The following UQCC1 variants were observed in gnomAD, a reference collection of about 807,000 sequenced individuals.
UQCC1 encodes ubiquinol-cytochrome c reductase complex assembly factor 1, also known as bFGF-repressed Zic-binding protein.
A neutral mutation model predicts 48.0 loss-of-function variants in UQCC1; 38 were observed. That is an observed-to-expected ratio of 0.79 (90% CI 0.61 to 1.04). UQCC1 has a LOEUF of 1.04. Among genes scored for constraint, UQCC1 ranks in the 50% least tolerant of loss-of-function variants. The pLI is 0.00. For missense variants in UQCC1, 368 were observed against 381.8 expected, an observed-to-expected ratio of 0.96 and a Z score of 0.30; for synonymous variants, 111 against 129.2, an observed-to-expected ratio of 0.86 and a Z score of 0.95.
At chr20:35,374,680 TCAGAGGCAC>T (rs1420483103) in intron 4 of UQCC1, among the ~76,000 whole-genome samples, 3 of 151,798 alleles carry the variant, frequency 2.0e-5, no homozygotes, top group African/African-American at 7.3e-5. Flanking sequence ...TAATCTTTCC[TCAGAGGCAC>T]TACTATCTAT....
intron 3 of UQCC1, among the ~76,000 whole-genome samples, chr20:35,382,805 C>T (rs562971667): frequency 1.1e-4 from 16 of 152,198 alleles, no homozygotes; most frequent in African/African-American, 3.4e-4. Flanking sequence ...CCACCGCGCC[C>T]GGCCTAATTT....
At chr20:35,406,818 T>C (rs974015450) in intron 1 of UQCC1, among the ~76,000 whole-genome samples, 53 of 152,346 alleles carry the variant, frequency 3.5e-4, no homozygotes, top group African/African-American at 1.3e-3. Flanking sequence ...AGATGTAATT[T>C]AGATGACAAT....
At chr20:35,386,527 G>A in intron 2 of UQCC1, 1 of 354,336 alleles carries the variant, frequency 2.8e-6, no homozygotes. Flanking sequence ...TAAGTATCAA[G>A]CAGGCTTTGT....
intron 2 of UQCC1, among the ~76,000 whole-genome samples, chr20:35,388,369 C>T (rs139230087): frequency 7.0e-6 from 1 of 141,922 alleles, no homozygotes; most frequent in Non-Finnish European, 1.5e-5. Flanking sequence ...TGGGTCACTG[C>T]AACTTTGACC....
Position 35,306,693 on chromosome 20 carries a change from T to A in UQCC1, c.738A>T (p.Glu246Asp), listed in dbSNP as rs565180229. 1 of 1,613,844 alleles carries A rather than the reference T, an allele frequency of 6.2e-7. No homozygotes were observed. The highest frequency in any genetic ancestry group is 8.5e-7 in the Non-Finnish European group (1 of 1,179,976). Residue 246 changes from glutamate (E) to aspartate (D), a missense_variant, in exon 9 of 10, where the codon GAA becomes GAT. Transcript: ENST00000374385. Reference protein sequence around the residue: ...NRKCEDPRHLELLVEYVRKQI... With the variant: ...NRKCEDPRHLDLLVEYVRKQI... ...GTTTCCTCACATACTCTACCAGCAATTCAAGATGTCGAGGGTCTTCACATT... is the reference window on the plus strand; with the variant it reads ...GTTTCCTCACATACTCTACCAGCAAATCAAGATGTCGAGGGTCTTCACATT...
chr20:35,327,352 G>A (rs1370281984), intron 7 of UQCC1, among the ~76,000 whole-genome samples: 1 of 152,230 alleles, frequency 6.6e-6, no homozygotes, highest in Non-Finnish European at 1.5e-5. Context: ...GTTCAGAGCT[G>A]TACAATTGCC....
Position 35,388,952 on chromosome 20 carries a change from G to T in UQCC1, c.130-4819C>A, listed in dbSNP as rs369857897. 1.1e-3 allele frequency among the ~76,000 whole-genome samples: 167 copies of T among 152,116 alleles called. 7 individuals are homozygous for T. The South Asian group carries it at 0.034, about 31-fold the overall frequency. ...GTGGTGTGTGCGCCTGTAGTCCCCA[G>T]CTACTCGGGAGGCTGAGGCAGGACA... On this transcript the variant is annotated intron_variant, in intron 2 of 9. Transcript: ENST00000374385.
intron 8 of UQCC1, chr20:35,307,007 AG>A (rs1267396514): frequency 1.8e-6 from 1 of 557,584 alleles, no homozygotes; most frequent in African/African-American, 1.9e-5. Context: ...GGGGGTCCAG[AG>A]GGGCCAAGCC....
intron 1 of UQCC1, among the ~76,000 whole-genome samples, chr20:35,399,659 C>A (rs1342051794): frequency 4.6e-5 from 7 of 151,922 alleles, no homozygotes; most frequent in Admixed American, 1.3e-4. Flanking sequence ...GAGTTCGAGA[C>A]CAGCCTGGCC....
At chr20:35,327,453 C>T (rs1191228850) in intron 7 of UQCC1, among the ~76,000 whole-genome samples, 1 of 152,166 alleles carries the variant, frequency 6.6e-6, no homozygotes, top group Non-Finnish European at 1.5e-5. Flanking sequence ...AGTGACTCAC[C>T]CAATTATCAC....
At chr20:35,340,289 C>T (rs1477952894) in intron 7 of UQCC1, among the ~76,000 whole-genome samples, 9 of 152,172 alleles carry the variant, frequency 5.9e-5, no homozygotes, top group Admixed American at 2.6e-4. Flanking sequence ...ATCTACCAGA[C>T]GTACATGTTC....
At chr20:35,375,684 C>G (rs2061787853) in intron 4 of UQCC1, among the ~76,000 whole-genome samples, 1 of 152,086 alleles carries the variant, frequency 6.6e-6, no homozygotes, top group South Asian at 2.1e-4. Flanking sequence ...GGCATGGTGG[C>G]TCACGCCTGT....
chr20:35,406,754 C>T (rs547486804), intron 1 of UQCC1, among the ~76,000 whole-genome samples: 2 of 152,068 alleles, frequency 1.3e-5, no homozygotes, highest in South Asian at 4.1e-4. Flanking sequence ...ATTTAAAAGA[C>T]AACTACAAGA....
intron 8 of UQCC1, 61 bp downstream of exon 8, chr20:35,314,627 C>A: frequency 6.9e-7 from 1 of 1,441,586 alleles, no homozygotes; most frequent in Non-Finnish European, 9.7e-7. Flanking sequence ...CAGAGGCTCT[C>A]ATCAAAAGCC....
At chr20:35,328,031 T>G (rs1453106915) in intron 7 of UQCC1, among the ~76,000 whole-genome samples, 1 of 145,932 alleles carries the variant, frequency 6.9e-6, no homozygotes. Flanking sequence ...AAAAAAAGCA[T>G]GGAACTGACA....
chr20:35,395,449 C>T (rs1386191411), intron 1 of UQCC1, among the ~76,000 whole-genome samples: 1 of 150,616 alleles, frequency 6.6e-6, no homozygotes, highest in Non-Finnish European at 1.5e-5. Flanking sequence ...GCGAGACCCC[C>T]AGCTATACAA....
intron 7 of UQCC1, 115 bp downstream of exon 7, chr20:35,347,049 T>C (rs2061438864): frequency 1.2e-6 from 2 of 1,609,208 alleles, no homozygotes; most frequent in African/African-American, 1.3e-5. Context: ...CCACTTGATA[T>C]TAGGCAGCAT....
intron 6 of UQCC1, among the ~76,000 whole-genome samples, 158 bp downstream of exon 6, chr20:35,366,399 A>C (rs1388542799): frequency 6.6e-6 from 1 of 152,232 alleles, no homozygotes; most frequent in Non-Finnish European, 1.5e-5. Context: ...TTTAATAAAA[A>C]TGTGCTTCAA....
intron 6 of UQCC1, among the ~76,000 whole-genome samples, chr20:35,356,814 T>C (rs1417115172): frequency 2.0e-5 from 3 of 152,136 alleles, no homozygotes; most frequent in Admixed American, 1.3e-4. Context: ...TACAGTAATT[T>C]AAGCTTCAAA....
Sources: allele counts gnomAD v4.1 joint callset (sites outside exome capture counted in the v4.1 genomes callset), GRCh38; gene constraint gnomAD v4.1.1; transcripts MANE v1.5; gene names NCBI Gene and HGNC (gene_info 2026-07-23, HGNC 2026-07-21).